Variants in HS3ST4 observed in about 807,000 individuals in gnomAD.
HS3ST4 encodes heparan sulfate-glucosamine 3-sulfotransferase 4.
A neutral mutation model predicts 29.2 loss-of-function variants in HS3ST4; 17 were observed. That is an observed-to-expected ratio of 0.58 (90% CI 0.40 to 0.87). The LOEUF (loss-of-function observed/expected upper bound fraction) is 0.87, where lower values mean the gene tolerates loss of function less well. Among genes scored for constraint, HS3ST4 ranks in the 40% least tolerant of loss-of-function variants. The pLI, the probability that HS3ST4 is intolerant of heterozygous loss-of-function variation, is 0.00. For synonymous variants in HS3ST4, 314 were observed against 285.7 expected (o/e 1.10, Z -1.00); for missense variants, 627 against 634.5 (o/e 0.99, Z 0.13).
At chr16:25,871,970 G>C (rs1041752676) in intron 1 of HS3ST4, among the ~76,000 whole-genome samples, 1 of 152,136 alleles carries the variant, frequency 6.6e-6, no homozygotes, top group Non-Finnish European at 1.5e-5. Context: ...TGGTGATGGA[G>C]GGTAGTGGCT....
rs186951870 is a variant in HS3ST4 at position 25,764,478 on chromosome 16, C to T, written c.734+71327C>T. On this transcript the variant is annotated intron_variant, in intron 1 of 1. Coordinates refer to ENST00000331351, the MANE Select transcript of HS3ST4 (RefSeq NM_006040.3). ...GTGTGTGTGTGTACATGTGTGTGTG[C>T]CTGCAACAGTGTGCACCCGCATGTG... Among the ~76,000 whole-genome samples, 168 of 152,276 alleles carry T rather than the reference C, an allele frequency of 1.1e-3. 1 individual carries two copies. Among genetic ancestry groups the T allele is most frequent in the African/African-American group, 3.8e-3 (156 of 41,554 alleles).
chr16:25,828,779 G>T (rs1327309767), intron 1 of HS3ST4, among the ~76,000 whole-genome samples: 1 of 152,280 alleles, frequency 6.6e-6, no homozygotes, highest in East Asian at 1.9e-4. Flanking sequence ...TTCTGTTCTT[G>T]TGTTAGTTTG....
chr16:25,708,929 C>T (rs1966394948), intron 1 of HS3ST4, among the ~76,000 whole-genome samples: 1 of 152,148 alleles, frequency 6.6e-6, no homozygotes, highest in South Asian at 2.1e-4. Flanking sequence ...TAATCATTTT[C>T]AGTGGTGGTT....
intron 1 of HS3ST4, among the ~76,000 whole-genome samples, chr16:25,938,993 T>C (rs1968546144): frequency 6.6e-6 from 1 of 152,170 alleles, no homozygotes; most frequent in South Asian, 2.1e-4. Context: ...TGCAATGTCT[T>C]GTATTTAGTT....
At chr16:25,856,139 A>T (rs1391042550) in intron 1 of HS3ST4, among the ~76,000 whole-genome samples, 1 of 152,096 alleles carries the variant, frequency 6.6e-6, no homozygotes, top group East Asian at 1.9e-4. Context: ...CGTAAAGCTG[A>T]CTAAATTGTG....
At chr16:25,697,753 G>T (rs1033668796) in intron 1 of HS3ST4, among the ~76,000 whole-genome samples, 3 of 152,020 alleles carry the variant, frequency 2.0e-5, no homozygotes, top group African/African-American at 7.2e-5. Flanking sequence ...CTGGAGTGCA[G>T]TGGTGTGATC....
intron 1 of HS3ST4, among the ~76,000 whole-genome samples, chr16:26,094,575 G>C (rs1898900435): frequency 6.6e-6 from 1 of 152,150 alleles, no homozygotes; most frequent in Non-Finnish European, 1.5e-5. Context: ...GAGAGATTTT[G>C]TCACCACCAG....
At chr16:25,955,817 C>CTTTTT (rs67504831) in intron 1 of HS3ST4, among the ~76,000 whole-genome samples, 7 of 142,170 alleles carry the variant, frequency 4.9e-5, no homozygotes, top group Admixed American at 1.4e-4. Flanking sequence ...GTGATGTATA[C>CTTTTT]TTTTTTTTTT....
chr16:26,119,010 T>G (rs1899236123), intron 1 of HS3ST4, among the ~76,000 whole-genome samples: 1 of 152,258 alleles, frequency 6.6e-6, no homozygotes, highest in African/African-American at 2.4e-5. Context: ...ATTGGCTTAC[T>G]CAATCCTCAC....
intron 1 of HS3ST4, among the ~76,000 whole-genome samples, chr16:25,967,626 G>T (rs546689242): frequency 2.4e-4 from 36 of 152,296 alleles, no homozygotes; most frequent in Non-Finnish European, 4.7e-4. Flanking sequence ...TTTCTCTCTA[G>T]ACCATTTCCT....
At chr16:25,798,435 T>C (rs914801158) in intron 1 of HS3ST4, among the ~76,000 whole-genome samples, 1 of 152,250 alleles carries the variant, frequency 6.6e-6, no homozygotes, top group Non-Finnish European at 1.5e-5. Context: ...GCTCCCCTCA[T>C]CTGGGATGTT....
chr16:25,759,580 C>T (rs1463114296), intron 1 of HS3ST4, among the ~76,000 whole-genome samples: 1 of 151,972 alleles, frequency 6.6e-6, no homozygotes, highest in South Asian at 2.1e-4. Flanking sequence ...AGCTGAGAGC[C>T]GAAGGATGGA....
intron 1 of HS3ST4, among the ~76,000 whole-genome samples, chr16:25,759,075 C>T (rs186991593): frequency 7.2e-5 from 11 of 152,154 alleles, no homozygotes; most frequent in Non-Finnish European, 1.6e-4. Context: ...AACAGAGGGG[C>T]CTTCCAGGTG....
At chr16:26,075,209 C>T (rs960578361) in intron 1 of HS3ST4, among the ~76,000 whole-genome samples, 3 of 152,036 alleles carry the variant, frequency 2.0e-5, no homozygotes, top group Admixed American at 6.6e-5. Context: ...AAGACTCACA[C>T]CATGTGTCAT....
chr16:25,817,124 T>C (rs1227961726), intron 1 of HS3ST4, among the ~76,000 whole-genome samples: 1 of 152,256 alleles, frequency 6.6e-6, no homozygotes, highest in African/African-American at 2.4e-5. Context: ...CTTTACTAGC[T>C]GCATGGCTTT....
Position 26,086,631 on chromosome 16 carries a change from G to A in HS3ST4, c.735-48981G>A, listed in dbSNP as rs151225843. ...CCCAAAGTGCTGGGATTACAGGCAT[G>A]AGCCACCATGCCCAGCCTAGATTTT... is the stretch of plus-strand genomic sequence containing the variant. On this transcript the variant is annotated intron_variant, in intron 1 of 1. Transcript: ENST00000331351. 8.9e-3 allele frequency among the ~76,000 whole-genome samples: 1,352 copies of A among 152,176 alleles called. 16 individuals carry two copies. Among genetic ancestry groups the A allele is most frequent in the African/African-American group, 0.031 (1,297 of 41,512 alleles).
At chr16:25,857,902 TCCTTCCTTCCTTCCTTC>T (rs1160210708) in intron 1 of HS3ST4, among the ~76,000 whole-genome samples, 2,139 of 75,402 alleles carry the variant, frequency 0.028, 41 homozygotes, top group Middle Eastern at 0.04. Flanking sequence ...TTTTCTTTCT[TCCTTCCTTCCTTCCTTC>T]CTTTCTTTCT....
chr16:25,734,305 C>T (rs778336411), intron 1 of HS3ST4, among the ~76,000 whole-genome samples: 24 of 152,256 alleles, frequency 1.6e-4, no homozygotes, highest in African/African-American at 4.3e-4. Context: ...ATGTAAAAAT[C>T]GCAGAATGTG....
intron 1 of HS3ST4, among the ~76,000 whole-genome samples, chr16:26,101,914 T>C (rs1898994444): frequency 6.6e-6 from 1 of 152,210 alleles, no homozygotes; most frequent in Non-Finnish European, 1.5e-5. Flanking sequence ...TTTGCGACTG[T>C]TTTGGGGTTA....
Sources: gnomAD v4.1 joint callset for allele counts (sites outside exome capture counted in the v4.1 genomes callset) on GRCh38, gnomAD v4.1.1 for gene constraint, MANE v1.5 for transcripts, NCBI Gene and HGNC (gene_info 2026-07-23, HGNC 2026-07-21) for gene names.